PLPP1: variants seen among roughly 807,000 people sequenced by gnomAD.
PLPP1 encodes lipid phosphate phosphohydrolase 1a.
Under a neutral mutation model 31.2 loss-of-function variants are expected in PLPP1, and 24 were observed. That is an observed-to-expected ratio of 0.77 (90% CI 0.56 to 1.08). The LOEUF is 1.08. PLPP1 is among the 50% of genes least tolerant of loss of function. The pLI is 0.00. For synonymous variants in PLPP1, 146 were observed against 126.3 expected (o/e 1.16, Z -1.05); for missense variants, 319 against 342.7 (o/e 0.93, Z 0.55).
chr5:55,466,147 A>T (rs1239150622), intron 3 of PLPP1, among the ~76,000 whole-genome samples: 3 of 152,128 alleles, frequency 2.0e-5, no homozygotes, highest in Non-Finnish European at 4.4e-5. Context: ...CTCCTTCATT[A>T]AGACTTTACA....
chr5:55,489,958 T>C (rs1176273120), intron 1 of PLPP1, among the ~76,000 whole-genome samples: 1 of 152,102 alleles, frequency 6.6e-6, no homozygotes, highest in Non-Finnish European at 1.5e-5. Flanking sequence ...AATGGCAAGA[T>C]TTAGGAATGA....
chr5:55,426,083 C>T (rs150796230), intron 4 of PLPP1, 44 bp from the exon 5 acceptor site: 33 of 1,482,044 alleles, frequency 2.2e-5, no homozygotes, highest in African/African-American at 4.2e-5. Context: ...TTTAACATAA[C>T]GCAAAACTTT....
chr5:55,500,241 A>G (rs867353311), intron 1 of PLPP1, among the ~76,000 whole-genome samples: 1 of 151,782 alleles, frequency 6.6e-6, no homozygotes, highest in Non-Finnish European at 1.5e-5. Flanking sequence ...CACCACGCCC[A>G]GCTAATTTTT....
At chr5:55,441,655 G>A (rs1751622758) in intron 4 of PLPP1, among the ~76,000 whole-genome samples, 196 bp downstream of exon 4, 2 of 152,176 alleles carry the variant, frequency 1.3e-5, no homozygotes, top group African/African-American at 4.8e-5. Context: ...CTGTGTTCCA[G>A]AAAACCACTT....
intron 3 of PLPP1, among the ~76,000 whole-genome samples, chr5:55,445,634 T>TC (rs1265937781): frequency 7.0e-6 from 1 of 142,580 alleles, no homozygotes; most frequent in Non-Finnish European, 1.5e-5. Flanking sequence ...AACCTCCGCC[T>TC]CCTGGGTTCA....
At chr5:55,518,068 C>T (rs963085350) in intron 1 of PLPP1, among the ~76,000 whole-genome samples, 2 of 151,948 alleles carry the variant, frequency 1.3e-5, no homozygotes, top group South Asian at 2.1e-4. Flanking sequence ...CTACTGATCT[C>T]GTGATCCGCC....
intron 3 of PLPP1, among the ~76,000 whole-genome samples, chr5:55,449,025 G>C (rs182451500): frequency 6.6e-6 from 1 of 152,298 alleles, no homozygotes; most frequent in African/African-American, 2.4e-5. Flanking sequence ...GTTCAGTACA[G>C]ATGCAATTTT....
In PLPP1 at chr5:55,510,983, C is replaced by A. The variant is rs935748048; in HGVS notation, c.58+23589G>T. On this transcript the variant is annotated intron_variant, in intron 1 of 5. Coordinates refer to ENST00000307259, the MANE Select transcript of PLPP1 (RefSeq NM_003711.4). ...TGATCTTTCTTCCCTGCCTACTGCC[C>A]TCACAACCCCTGCTCTCTTTCCGAG... Among the ~76,000 whole-genome samples, 8 of 152,132 alleles carry A rather than the reference C, an allele frequency of 5.3e-5. No homozygotes were observed. The South Asian group carries it at 1.2e-3, about 24-fold the overall frequency.
rs115361588 is a variant in PLPP1 at position 55,527,788 on chromosome 5, G to A, written c.58+6784C>T. Among the ~76,000 whole-genome samples the A allele has an allele frequency of 6.4e-3, 973 of 152,298 alleles. 15 individuals are homozygous for A. Among genetic ancestry groups the A allele is most frequent in the African/African-American group, 0.021 (863 of 41,570 alleles). On this transcript the variant is annotated intron_variant, in intron 1 of 5. Coordinates refer to ENST00000307259, the MANE Select transcript of PLPP1 (RefSeq NM_003711.4). The stretch of plus-strand genomic sequence containing the variant: ...AAGGGTTATTAGAACCCAGAAAGAT[G>A]TGTAACTATAGATGGCTGGCAGAGA...
At chr5:55,524,563 C>A (rs1753740047) in intron 1 of PLPP1, among the ~76,000 whole-genome samples, 1 of 152,162 alleles carries the variant, frequency 6.6e-6, no homozygotes, top group South Asian at 2.1e-4. Flanking sequence ...GTAATCCCAG[C>A]ACTTTGGGAG....
chr5:55,464,693 G>T (rs1752248570), intron 3 of PLPP1, among the ~76,000 whole-genome samples: 1 of 152,180 alleles, frequency 6.6e-6, no homozygotes, highest in African/African-American at 2.4e-5. Flanking sequence ...AAACTAACAT[G>T]TTAAGTGAAA....
chr5:55,460,020 T>C (rs2111764778), intron 3 of PLPP1, among the ~76,000 whole-genome samples: 2 of 152,342 alleles, frequency 1.3e-5, no homozygotes, highest in South Asian at 4.1e-4. Context: ...ATAATAAATA[T>C]GACATACAAA....
intron 1 of PLPP1, among the ~76,000 whole-genome samples, chr5:55,483,461 C>G (rs956505085): frequency 3.9e-5 from 6 of 152,018 alleles, no homozygotes; most frequent in African/African-American, 1.2e-4. Context: ...CACATGAGGT[C>G]AGGAGTTCAA....
chr5:55,468,199 TAAACA>T (rs748379558), intron 2 of PLPP1, 50 bp from the exon 3 acceptor site: 2 of 1,452,892 alleles, frequency 1.4e-6, no homozygotes, highest in African/African-American at 1.4e-5. Context: ...GCAGGCACTT[TAAACA>T]AAACAAAACA....
intron 1 of PLPP1, among the ~76,000 whole-genome samples, chr5:55,527,837 T>C (rs1229778833): frequency 1.3e-5 from 1 of 75,822 alleles, no homozygotes; most frequent in Non-Finnish European, 3.6e-5. Flanking sequence ...ATACAAGTTG[T>C]GAACTACTCA....
At chr5:55,529,900 C>G (rs561080276) in intron 1 of PLPP1, among the ~76,000 whole-genome samples, 9 of 152,110 alleles carry the variant, frequency 5.9e-5, no homozygotes, top group Admixed American at 6.5e-5. Flanking sequence ...AGATAAAGTA[C>G]AACAGGGATT....
Position 55,444,743 on chromosome 5 carries a change from T to TGTGTGTGTGTGTGTGTGTGTGTGTGTGTG in PLPP1, c.492-2836_492-2835insCACACACACACACACACACACACACACAC, listed in dbSNP as rs368045819. On this transcript the variant is annotated intron_variant, in intron 3 of 5. Transcript: ENST00000307259. ...AAATCACTATGAATGGGATTCTATT[T>TGTGTGTGTGTGTGTGTGTGTGTGTGTGTG]TGTGTGTGTGTGTGTGTGTGTGTGT... 5.6e-3 allele frequency among the ~76,000 whole-genome samples: 772 copies of TGTGTGTGTGTGTGTGTGTGTGTGTGTGTG among 137,354 alleles called. 42 individuals carry two copies. The highest frequency in any genetic ancestry group is 0.012 in the Middle Eastern group (3 of 256). 90.1% of individuals were successfully genotyped at this position (137,354 alleles called of 152,430 possible).
intron 3 of PLPP1, among the ~76,000 whole-genome samples, chr5:55,467,517 C>A (rs1752328157): frequency 1.4e-5 from 2 of 143,982 alleles, no homozygotes; most frequent in African/African-American, 5.1e-5. Flanking sequence ...GAGACTTAGT[C>A]TCTACAAAAT....
intron 1 of PLPP1, among the ~76,000 whole-genome samples, chr5:55,479,112 C>T (rs1392003476): frequency 6.6e-6 from 1 of 151,744 alleles, no homozygotes. Flanking sequence ...GCAACCTCCA[C>T]CTTCCGGGTT....
Sources: gnomAD v4.1 joint callset for allele counts (sites outside exome capture counted in the v4.1 genomes callset) on GRCh38, gnomAD v4.1.1 for gene constraint, MANE v1.5 for transcripts, NCBI Gene and HGNC (gene_info 2026-07-23, HGNC 2026-07-21) for gene names.